The following DTNB variants were observed in gnomAD, a reference collection of about 807,000 sequenced individuals.
The protein encoded by DTNB is DTN-B.
In DTNB, 63 loss-of-function variants were observed where a neutral mutation model predicts 90.7. That is an observed-to-expected ratio of 0.69 (90% CI 0.57 to 0.86). The LOEUF (loss-of-function observed/expected upper bound fraction) is 0.86, where lower values mean the gene tolerates loss of function less well. DTNB is among the 40% of genes least tolerant of loss of function. The probability of loss-of-function intolerance (pLI) is 0.00; values close to 1 mark genes in which losing one functional copy is unlikely to be tolerated. For missense variants in DTNB, 744 were observed against 807.1 expected, an observed-to-expected ratio of 0.92 and a Z score of 0.95; for synonymous variants, 277 against 286.7, an observed-to-expected ratio of 0.97 and a Z score of 0.34.
At chr2:25,455,600 A>T (rs1277427164) in intron 10 of DTNB, 106 bp from the exon 11 acceptor site, 14 of 937,990 alleles carry the variant, frequency 1.5e-5, no homozygotes, top group South Asian at 9.9e-5. Context: ...TTTAAAAAAT[A>T]ATAAATCATG....
chr2:25,433,974 T>C lies in DTNB; in HGVS notation c.1279A>G (p.Ser427Gly). The C allele has an allele frequency of 6.2e-7, 1 of 1,613,778 alleles. No individual in the cohort carries two copies. Reference sequence around the variant, plus strand: ...TGTTTGTTGGCATCAAAGTTAAAGCTCAAGTCAGTGGGAGGACGAGTCTAA... The same window carrying C: ...TGTTTGTTGGCATCAAAGTTAAAGCCCAAGTCAGTGGGAGGACGAGTCTAA... ...GNVTRPPTDL[S>G]FNFDANKQQR... The change falls in exon 13 of 21, where the codon AGC (serine) becomes GGC (glycine). Residue 427 changes from serine to glycine, a missense_variant. Transcript: ENST00000406818.
At chr2:25,434,278 C>T (rs2054936505) in intron 12 of DTNB, among the ~76,000 whole-genome samples, 1 of 151,814 alleles carries the variant, frequency 6.6e-6, no homozygotes, top group South Asian at 2.1e-4. Flanking sequence ...AGCCATGCGT[C>T]TGCTTTCTGT....
chr2:25,381,218 C>T (rs921745432), intron 19 of DTNB, among the ~76,000 whole-genome samples: 8 of 151,840 alleles, frequency 5.3e-5, no homozygotes, highest in East Asian at 3.9e-4. Flanking sequence ...CGTGTGTGTG[C>T]GCGTGTTTGC....
chr2:25,664,221 T>C (rs1424959085), intron 1 of DTNB, among the ~76,000 whole-genome samples: 2 of 152,250 alleles, frequency 1.3e-5, no homozygotes, highest in African/African-American at 4.8e-5. Context: ...TTTTATATTA[T>C]GCATTTGACT....
chr2:25,554,643 T>A (rs367734376), intron 8 of DTNB, among the ~76,000 whole-genome samples: 20 of 152,122 alleles, frequency 1.3e-4, no homozygotes, highest in African/African-American at 4.8e-4. Flanking sequence ...TTTGGAAAAG[T>A]AGAAAATTAG....
intron 4 of DTNB, among the ~76,000 whole-genome samples, chr2:25,610,594 T>C (rs974548465): frequency 6.6e-6 from 1 of 152,206 alleles, no homozygotes; most frequent in African/African-American, 2.4e-5. Flanking sequence ...GTTCACTGAA[T>C]GAACTTTCAC....
At chr2:25,411,613 C>T (rs1043185974) in intron 16 of DTNB, among the ~76,000 whole-genome samples, 5 of 152,100 alleles carry the variant, frequency 3.3e-5, no homozygotes, top group Admixed American at 6.6e-5. Context: ...TATAGCACAG[C>T]GATCCTCATT....
intron 2 of DTNB, among the ~76,000 whole-genome samples, chr2:25,641,301 T>C (rs1334919592): frequency 6.6e-6 from 1 of 152,170 alleles, no homozygotes; most frequent in Non-Finnish European, 1.5e-5. Flanking sequence ...ATGCAAACAA[T>C]AGCCTTAGAA....
intron 8 of DTNB, among the ~76,000 whole-genome samples, chr2:25,534,402 T>C (rs192768260): frequency 9.2e-4 from 140 of 152,326 alleles, no homozygotes; most frequent in African/African-American, 3.2e-3. Flanking sequence ...TGTCTATCTC[T>C]TTCTACACAG....
intron 10 of DTNB, among the ~76,000 whole-genome samples, chr2:25,461,847 A>T (rs1213414331): frequency 6.6e-6 from 1 of 152,224 alleles, no homozygotes; most frequent in Admixed American, 6.5e-5. Flanking sequence ...GACACAATAC[A>T]ATTTTATCCA....
intron 10 of DTNB, among the ~76,000 whole-genome samples, chr2:25,468,847 T>C (rs977666059): frequency 6.6e-6 from 1 of 152,228 alleles, no homozygotes; most frequent in East Asian, 1.9e-4. Flanking sequence ...GGATAATGAC[T>C]TATCCTACAA....
chr2:25,485,528 T>G (rs1479780892), intron 9 of DTNB, among the ~76,000 whole-genome samples: 1 of 152,194 alleles, frequency 6.6e-6, no homozygotes, highest in Non-Finnish European at 1.5e-5. Context: ...TATCAAAGCT[T>G]CTTCTCTAAT....
chr2:25,379,319 C>T lies in DTNB; in HGVS notation c.1884G>A (p.Ter628=), dbSNP rs1167082645. Reference sequence around the variant, plus strand: ...GCTTCCTCTGTGTCCGGCTCCTCTGCTAACCTGTGGCAGCATGGGCAGAAA... The same window carrying T: ...GCTTCCTCTGTGTCCGGCTCCTCTGTTAACCTGTGGCAGCATGGGCAGAAA... ...EKMQNGKDRG[*] Residue 628 remains the stop codon, a stop_retained_variant, in exon 20 of 21, where the codon TAG becomes TAA. Coordinates refer to ENST00000406818, the MANE Select transcript of DTNB (RefSeq NM_021907.5). The T allele has an allele frequency of 7.6e-7, 1 of 1,319,294 alleles. No individual in the cohort carries two copies. 81.7% of individuals were successfully genotyped at this position (1,319,294 alleles called of 1,614,324 possible).
At chr2:25,422,395 C>CTTTTTTTTTTTTTTTTTTTTTTTTTTT (rs146697158) in intron 15 of DTNB, among the ~76,000 whole-genome samples, 1 of 82,920 alleles carries the variant, frequency 1.2e-5, no homozygotes, top group African/African-American at 5.1e-5. Context: ...CTTTTCTCTT[C>CTTTTTTTTTTTTTTTTTTTTTTTTTTT]TTTTTTTTTT....
intron 8 of DTNB, among the ~76,000 whole-genome samples, chr2:25,565,878 T>C (rs942893886): frequency 4.6e-5 from 7 of 152,320 alleles, no homozygotes; most frequent in Admixed American, 2.6e-4. Context: ...AAGTAGCTAA[T>C]TGGAAAACAG....
intron 12 of DTNB, among the ~76,000 whole-genome samples, chr2:25,436,400 T>A (rs2055788667): frequency 6.6e-6 from 1 of 152,080 alleles, no homozygotes; most frequent in Non-Finnish European, 1.5e-5. Context: ...CTCCCTTTTA[T>A]TGATTAACCA....
chr2:25,530,617 T>C (rs2077988372), intron 9 of DTNB, among the ~76,000 whole-genome samples: 1 of 152,178 alleles, frequency 6.6e-6, no homozygotes, highest in Non-Finnish European at 1.5e-5. Context: ...GTAATTCACA[T>C]GCATGGATTA....
intron 16 of DTNB, among the ~76,000 whole-genome samples, chr2:25,403,954 C>T (rs1047650784): frequency 1.3e-5 from 2 of 152,144 alleles, no homozygotes; most frequent in Non-Finnish European, 2.9e-5. Flanking sequence ...GTTTGGATTC[C>T]AGCTGCCATT....
rs1272640482 is a variant in DTNB, at chr2:25,663,220, TG to T, written c.-2+10165del. Among the ~76,000 whole-genome samples the T allele has an allele frequency of 2.6e-5, 4 of 152,224 alleles. 1 individual carries two copies. Among genetic ancestry groups the T allele is most frequent in the Admixed American group, 2.6e-4 (4 of 15,284 alleles). ...GAATGATGGCTTCCAGCTTCATCCA[TG>T]TCCCTGCAAGGACATGAACTCATTC... is the stretch of plus-strand genomic sequence containing the variant. On this transcript the variant is annotated intron_variant, in intron 1 of 20. Transcript: ENST00000406818.
Sources: gnomAD v4.1 joint callset for allele counts (sites outside exome capture counted in the v4.1 genomes callset) on GRCh38, gnomAD v4.1.1 for gene constraint, MANE v1.5 for transcripts, NCBI Gene and HGNC (gene_info 2026-07-23, HGNC 2026-07-21) for gene names.